Variants in MACF1 observed in about 807,000 individuals in gnomAD.
MACF1 encodes microtubule-actin cross-linking factor 1.
MACF1 carries 193 observed loss-of-function variants against 854.8 expected under a neutral mutation model. The observed-to-expected ratio is 0.23, with a 90% CI of 0.20 to 0.25. MACF1 has a LOEUF of 0.25. MACF1 is among the 10% of genes least tolerant of loss of function. The pLI, the probability that MACF1 is intolerant of heterozygous loss-of-function variation, is 1.00. For missense variants in MACF1, 7,722 were observed against 8,929.1 expected, an observed-to-expected ratio of 0.86 and a Z score of 5.45; for synonymous variants, 3,185 against 3,226.7, an observed-to-expected ratio of 0.99 and a Z score of 0.44.
chr1:39,119,317 C>T (rs1156833357), intron 2 of MACF1, among the ~76,000 whole-genome samples: 1 of 84,762 alleles, frequency 1.2e-5, no homozygotes, highest in African/African-American at 4.6e-5. Flanking sequence ...AACTCCGTCT[C>T]AAAAAAAAAA....
In MACF1 at chr1:39,357,379, G is replaced by C. The variant is rs764407914; in HGVS notation, c.11429G>C (p.Arg3810Pro). The C allele has an allele frequency of 7.5e-6, 12 of 1,610,242 alleles. No homozygotes were observed. The highest frequency in any genetic ancestry group is 9.3e-6 in the Non-Finnish European group (11 of 1,178,452). ...LDKQCEMMKA[R>P]HQELLSQQQN... ...GGGGGGATTTTTTTTTACCAGGCCC[G>C]TCACCAAGAATTGCTGTCCCAGCAG... Residue 3810 changes from arginine (R) to proline (P), a missense_variant, in exon 45 of 101, where the codon CGT (arginine) becomes CCT (proline). Transcript: ENST00000564288.
chr1:39,171,559 A>G (rs1247664777), intron 2 of MACF1, among the ~76,000 whole-genome samples: 1 of 152,158 alleles, frequency 6.6e-6, no homozygotes, highest in Admixed American at 6.5e-5. Flanking sequence ...TTCACTTAGC[A>G]TATGCACATA....
In MACF1 at chr1:39,409,623, T is replaced by A. The variant is rs1163702139; in HGVS notation, c.15817-12751T>A. 1 of 152,262 alleles carries A rather than the reference T, an allele frequency of 6.6e-6. No homozygotes were observed. The highest frequency in any genetic ancestry group is 1.5e-5 in the Non-Finnish European group (1 of 68,066). 9.4% of individuals were successfully genotyped at this position (152,262 alleles called of 1,614,324 possible). On this transcript the variant is annotated intron_variant, in intron 58 of 100. Transcript: ENST00000564288. The surrounding 1 kb of genome is among the most constrained non-coding windows in gnomAD (Gnocchi z 4.2). ...CCTGGGAGCCACAACAATGCCATGA[T>A]GTTTTGGAGACAGGAAGCCCCAAGC...
intron 2 of MACF1, among the ~76,000 whole-genome samples, chr1:39,085,053 G>C (rs1486179560): frequency 6.6e-6 from 1 of 152,200 alleles, no homozygotes; most frequent in Non-Finnish European, 1.5e-5. Context: ...GATGTGCCCA[G>C]CTCTTTGCCA....
chr1:39,479,398 A>G (rs1295372479), intron 97 of MACF1, among the ~76,000 whole-genome samples: 2 of 152,208 alleles, frequency 1.3e-5, no homozygotes, highest in Non-Finnish European at 1.5e-5. Flanking sequence ...ATTACCACAT[A>G]TCCTGCAAAA....
chr1:39,390,831 G>T (rs1342093737), intron 58 of MACF1, among the ~76,000 whole-genome samples: 1 of 152,118 alleles, frequency 6.6e-6, no homozygotes, highest in Non-Finnish European at 1.5e-5. Context: ...TTATCAGCCG[G>T]GTGCGGTGGC....
At position 39,360,784 on chromosome 1, in the gene MACF1, A is replaced by G; in HGVS notation, c.12245-9A>G. 1.9e-6 allele frequency: 3 copies of G among 1,584,012 alleles called. No homozygotes were observed. Among genetic ancestry groups the G allele is most frequent in the Non-Finnish European group, 2.6e-6 (3 of 1,163,314 alleles). ...CTCCACTCTTTCTTTTCATGGCCTG[A>G]TTTTTCAGATTCCATACTCAGCCAC... On this transcript the variant is annotated splice_polypyrimidine_tract_variant and intron_variant, in intron 47 of 100. Transcript: ENST00000564288.
At chr1:39,187,895 T>TCTCTCTCTCTCTCTCTCTCTC (rs1553160213) in intron 2 of MACF1, among the ~76,000 whole-genome samples, 22 of 68,468 alleles carry the variant, frequency 3.2e-4, no homozygotes, top group South Asian at 2.6e-3. Flanking sequence ...TCTCTCTCTC[T>TCTCTCTCTCTCTCTCTCTCTC]CTCTCTCCTC....
chr1:39,429,359 A>C (rs370445133), intron 64 of MACF1, 33 bp downstream of exon 64: 1 of 1,225,642 alleles, frequency 8.2e-7, no homozygotes, highest in Non-Finnish European at 1.2e-6. Flanking sequence ...TAGCACCCCT[A>C]TGGTCTCAAA....
chr1:39,301,361 C>T (rs1454570345), intron 22 of MACF1, among the ~76,000 whole-genome samples: 1 of 151,892 alleles, frequency 6.6e-6, no homozygotes, highest in African/African-American at 2.4e-5. Flanking sequence ...CTCCTGACCT[C>T]TTGATCCACC....
intron 23 of MACF1, among the ~76,000 whole-genome samples, chr1:39,308,037 T>A (rs951294420): frequency 6.6e-6 from 1 of 151,026 alleles, no homozygotes; most frequent in Non-Finnish European, 1.5e-5. Flanking sequence ...CCCGAGTAGC[T>A]GGGACTACAG....
At chr1:39,094,617 C>T (rs1255651418) in intron 2 of MACF1, among the ~76,000 whole-genome samples, 1 of 151,494 alleles carries the variant, frequency 6.6e-6, no homozygotes, top group African/African-American at 2.4e-5. Flanking sequence ...ACTCGGGAGG[C>T]TGAGGCAGGA....
rs963646755 is a variant in MACF1, at chr1:39,084,982, A to G, written c.220+544A>G. 1.3e-5 allele frequency among the ~76,000 whole-genome samples: 2 copies of G among 152,152 alleles called. No homozygotes were observed. The highest frequency in any genetic ancestry group is 2.9e-5 in the Non-Finnish European group (2 of 68,028). ...ACAGTTTTACTTGTATCGCCTTCCA[A>G]AAGTGTTCTACATGCTGACCTTTCA... On this transcript the variant is annotated intron_variant, in intron 2 of 93. Coordinates refer to the MACF1 transcript ENST00000361689. The surrounding 1 kb of genome is among the most constrained non-coding windows in gnomAD (Gnocchi z 5.2).
intron 58 of MACF1, among the ~76,000 whole-genome samples, chr1:39,394,262 GATTGATTGATTGATTT>G (rs1642184292): frequency 6.7e-6 from 1 of 149,074 alleles, no homozygotes; most frequent in East Asian, 1.9e-4. Context: ...TTGATTGATT[GATTGATTGATTGATTT>G]ATTGCCACAT....
In MACF1 at chr1:39,460,572, C is replaced by G. The variant is rs1644534920; in HGVS notation, c.21361-60C>G. 2.0e-6 allele frequency: 3 copies of G among 1,493,696 alleles called. No individual in the cohort carries two copies. The highest frequency in any genetic ancestry group is 1.7e-4 in the Middle Eastern group (1 of 5,790). The allele number at this position is 1,493,696 out of a possible 1,614,324, so 92.5% of individuals were successfully genotyped here. ...GAATGTCTGAAAGTTTGGGTATGCT[C>G]TGGGCAGCTTTTGAGGGCCCAAAAA... On this transcript the variant is annotated intron_variant, in intron 91 of 100. Transcript: ENST00000564288. This position sits in a 1 kb window ranked among gnomAD's most constrained non-coding sequence, Gnocchi z 4.1.
intron 1 of MACF1, among the ~76,000 whole-genome samples, chr1:39,208,455 C>G (rs1173561039): frequency 6.7e-6 from 1 of 148,958 alleles, no homozygotes; most frequent in East Asian, 2.0e-4. Flanking sequence ...AACAGGGACT[C>G]TTTTTTTTTT....
At chr1:39,263,415 T>C (rs948487564) in intron 6 of MACF1, among the ~76,000 whole-genome samples, 1 of 152,260 alleles carries the variant, frequency 6.6e-6, no homozygotes, top group African/African-American at 2.4e-5. Flanking sequence ...AATTTTAATT[T>C]GAGTTTTTAG....
chr1:39,298,467 C>G (rs1230852480), intron 21 of MACF1, among the ~76,000 whole-genome samples: 1 of 152,142 alleles, frequency 6.6e-6, no homozygotes, highest in Non-Finnish European at 1.5e-5. Context: ...CAAGCTACAT[C>G]TCAAATTAAA....
At position 39,382,013 on chromosome 1, in the gene MACF1, C is replaced by T. The variant is rs1390481978; in HGVS notation, c.13709C>T (p.Ser4570Phe). 6.2e-7 allele frequency: 1 copy of T among 1,614,168 alleles called. No individual in the cohort carries two copies. The highest frequency in any genetic ancestry group is 8.5e-7 in the Non-Finnish European group (1 of 1,180,036). The change falls in exon 56 of 101, where the codon TCT (serine) becomes TTT (phenylalanine). Residue 4570 changes from serine (S) to phenylalanine (F), a missense_variant. By Grantham distance (155) the Ser-to-Phe change is radical (BLOSUM62 -2). This residue lies in a region of MACF1 where 2,807 missense variants were observed against 3,235.8 expected (regional missense o/e 0.87). Transcript: ENST00000564288. ...TVARQRQLEE[S>F]ASHLACFQAA... is the part of the protein sequence containing the mutation. ...GCTCGGCAAAGGCAGCTAGAGGAAT[C>T]TGCAAGTCATCTGGCCTGCTTCCAG...
Sources: allele counts gnomAD v4.1 joint callset (sites outside exome capture counted in the v4.1 genomes callset), GRCh38; gene constraint gnomAD v4.1.1; regional missense constraint gnomAD v4.1.1; non-coding constraint Gnocchi (gnomAD v3.1); transcripts MANE v1.5; gene names NCBI Gene and HGNC (gene_info 2026-07-23, HGNC 2026-07-21).